Variants in SLCO3A1 observed in about 807,000 individuals in gnomAD.
The protein encoded by SLCO3A1 is solute carrier organic anion transporter family member 3A1.
In SLCO3A1, 27 loss-of-function variants were observed where a neutral mutation model predicts 63.1. The ratio of observed to expected loss-of-function variants is 0.43; its 90% CI spans 0.32 to 0.59. The LOEUF (loss-of-function observed/expected upper bound fraction) is 0.59. Ranked by LOEUF, SLCO3A1 falls within the 20% of genes least tolerant of loss-of-function variation. The pLI, the probability that SLCO3A1 is intolerant of heterozygous loss-of-function variation, is 0.09. For missense variants in SLCO3A1, 773 were observed against 945.8 expected (o/e 0.82, Z 2.40); for synonymous variants, 473 against 409.9 (o/e 1.15, Z -1.86).
rs1173822245 is a variant in SLCO3A1, at chr15:91,863,508, T to A, written c.180+9420T>A. ...GTGCTGCTGTGATAGCACTTGGAATTTACTGTGTCTTGTGGGATGCTTTGC... is the reference window on the plus strand; with the variant it reads ...GTGCTGCTGTGATAGCACTTGGAATATACTGTGTCTTGTGGGATGCTTTGC... On this transcript the variant is annotated intron_variant, in intron 1 of 9. Transcript: ENST00000318445. This position sits in a 1 kb window ranked among gnomAD's most constrained non-coding sequence, Gnocchi z 4.3. Among the ~76,000 whole-genome samples the A allele has an allele frequency of 6.6e-6, 1 of 152,220 alleles. No individual in the cohort carries two copies. Among genetic ancestry groups the A allele is most frequent in the Non-Finnish European group, 1.5e-5 (1 of 68,034 alleles).
chr15:92,160,260 C>T (rs1305210947), intron 9 of SLCO3A1, among the ~76,000 whole-genome samples: 1 of 152,172 alleles, frequency 6.6e-6, no homozygotes, highest in Non-Finnish European at 1.5e-5. Flanking sequence ...CCATTTATCT[C>T]TAGGTCCATC....
intron 1 of SLCO3A1, among the ~76,000 whole-genome samples, chr15:91,874,764 AG>A (rs1897360223): frequency 6.6e-6 from 1 of 152,144 alleles, no homozygotes; most frequent in South Asian, 2.1e-4. Flanking sequence ...AACTTTTTGA[AG>A]GGGTTGGGTC....
chr15:92,104,227 C>A (rs370192955), intron 3 of SLCO3A1, 52 bp from the exon 4 acceptor site: 1 of 1,593,298 alleles, frequency 6.3e-7, no homozygotes, highest in Non-Finnish European at 8.6e-7. Flanking sequence ...AGCAAAATCC[C>A]CAGTGGTCCA....
chr15:92,030,978 A>T, intron 2 of SLCO3A1, among the ~76,000 whole-genome samples: 1 of 101,052 alleles, frequency 9.9e-6, no homozygotes, highest in Non-Finnish European at 2.0e-5. Flanking sequence ...ATGCACCTGT[A>T]GCTGCAGCAT....
In SLCO3A1 at chr15:91,942,779, C is replaced by T. The variant is rs1899668143; in HGVS notation, c.646+26321C>T. 6.6e-6 allele frequency among the ~76,000 whole-genome samples: 1 copy of T among 152,092 alleles called. No individual in the cohort carries two copies. On this transcript the variant is annotated intron_variant, in intron 2 of 9. Coordinates refer to ENST00000318445, the MANE Select transcript of SLCO3A1 (RefSeq NM_013272.4). The surrounding 1 kb of genome is among the most constrained non-coding windows in gnomAD (Gnocchi z 4.1). ...GTTTCTCCATGTTGGCCAGCCTGGT[C>T]TCAAATTCCTGACCTAAAGTGATCA... is the stretch of plus-strand genomic sequence containing the variant.
chr15:92,096,631 G>T (rs1316223413), intron 3 of SLCO3A1, among the ~76,000 whole-genome samples: 2 of 152,148 alleles, frequency 1.3e-5, no homozygotes, highest in Admixed American at 1.3e-4. Context: ...AGAATTCTCA[G>T]TCCCCAGGTT....
chr15:92,162,103 A>AAAGTG (rs2048446129), intron 9 of SLCO3A1: 1 of 148,574 alleles, frequency 6.7e-6, no homozygotes, highest in Non-Finnish European at 1.5e-5. Context: ...TTTACATGGT[A>AAAGTG]AAGTGACACA....
At chr15:92,047,706 C>G (rs1039325826) in intron 2 of SLCO3A1, among the ~76,000 whole-genome samples, 1 of 138,438 alleles carries the variant, frequency 7.2e-6, no homozygotes, top group Non-Finnish European at 1.5e-5. Context: ...AATGGCAAAA[C>G]CTGTGTCATT....
At chr15:91,969,855 C>T (rs1201212139) in intron 2 of SLCO3A1, among the ~76,000 whole-genome samples, 6 of 152,082 alleles carry the variant, frequency 3.9e-5, no homozygotes, top group Non-Finnish European at 8.8e-5. Flanking sequence ...GAATGAGTTG[C>T]TGGGGAATTG....
chr15:91,874,103 A>G (rs1377759077), intron 1 of SLCO3A1, among the ~76,000 whole-genome samples: 1 of 152,202 alleles, frequency 6.6e-6, no homozygotes, highest in African/African-American at 2.4e-5. Flanking sequence ...CTATATGTAT[A>G]TACCTATGAT....
intron 1 of SLCO3A1, among the ~76,000 whole-genome samples, chr15:91,855,842 TC>T (rs1896904774): frequency 6.6e-6 from 1 of 152,148 alleles, no homozygotes; most frequent in Non-Finnish European, 1.5e-5. Flanking sequence ...AACAGCTGCC[TC>T]CACTTTAACG....
chr15:91,976,291 C>G (rs959544209), intron 2 of SLCO3A1, among the ~76,000 whole-genome samples: 5 of 152,086 alleles, frequency 3.3e-5, no homozygotes, highest in African/African-American at 9.7e-5. Flanking sequence ...TTTGTATTGA[C>G]CATGCATTGA....
chr15:92,093,579 T>C lies in SLCO3A1; in HGVS notation c.647-1302T>C, dbSNP rs2047503551. Among the ~76,000 whole-genome samples, 8 of 152,264 alleles carry C rather than the reference T, an allele frequency of 5.3e-5. No homozygotes were observed. The South Asian group carries it at 1.7e-3, about 32-fold the overall frequency. On this transcript the variant is annotated intron_variant, in intron 2 of 9. Transcript: ENST00000318445. ...TATTTAAAAACCATTTGCCTTCCTC[T>C]GTGTAGTTTAAGTTGTTTTTCCCCA...
chr15:92,076,692 C>T (rs958595856), intron 2 of SLCO3A1, among the ~76,000 whole-genome samples: 2 of 152,204 alleles, frequency 1.3e-5, no homozygotes, highest in Non-Finnish European at 2.9e-5. Flanking sequence ...AGGGCAATCC[C>T]CACCAGTCAG....
At chr15:92,095,114 C>T (rs940536392) in intron 3 of SLCO3A1, 135 bp downstream of exon 3, 7 of 551,052 alleles carry the variant, frequency 1.3e-5, no homozygotes, top group Non-Finnish European at 2.3e-5. Flanking sequence ...AGCTGGGGCT[C>T]ACCCGAGATT....
intron 2 of SLCO3A1, among the ~76,000 whole-genome samples, chr15:92,049,383 C>T (rs1393335742): frequency 6.6e-6 from 1 of 152,152 alleles, no homozygotes; most frequent in Admixed American, 6.5e-5. Flanking sequence ...GGTGTGTGTT[C>T]AGGGTGGGTT....
At chr15:91,906,836 G>A (rs1193600675) in intron 1 of SLCO3A1, among the ~76,000 whole-genome samples, 1 of 152,146 alleles carries the variant, frequency 6.6e-6, no homozygotes, top group African/African-American at 2.4e-5. Flanking sequence ...ACCCAGGAGG[G>A]ATGGAGAGTC....
At chr15:92,006,457 A>C (rs1404522540) in intron 2 of SLCO3A1, among the ~76,000 whole-genome samples, 1 of 152,206 alleles carries the variant, frequency 6.6e-6, no homozygotes, top group Non-Finnish European at 1.5e-5. Context: ...ATATTAGGTC[A>C]TGAGCTTGCT....
chr15:92,160,693 A>G (rs1185303856), intron 9 of SLCO3A1, among the ~76,000 whole-genome samples: 2 of 151,552 alleles, frequency 1.3e-5, no homozygotes, highest in African/African-American at 2.4e-5. Flanking sequence ...GGAGAAGTAC[A>G]GAGGCACCTG....
Sources: allele counts gnomAD v4.1 joint callset (sites outside exome capture counted in the v4.1 genomes callset), GRCh38; gene constraint gnomAD v4.1.1; non-coding constraint Gnocchi (gnomAD v3.1); transcripts MANE v1.5; gene names NCBI Gene and HGNC (gene_info 2026-07-23, HGNC 2026-07-21).